The following NRCAM variants were observed in gnomAD, a reference collection of about 807,000 sequenced individuals.
NRCAM encodes the protein neuronal cell adhesion molecule.
Under a neutral mutation model 156.5 loss-of-function variants are expected in NRCAM, and 83 were observed. The ratio of observed to expected loss-of-function variants is 0.53; its 90% confidence interval spans 0.44 to 0.64. NRCAM has a LOEUF of 0.64. Among genes scored for constraint, NRCAM ranks in the 30% least tolerant of loss-of-function variants. The pLI, the probability that NRCAM is intolerant of heterozygous loss-of-function variation, is 0.00. For synonymous variants in NRCAM, 538 were observed against 563.9 expected (o/e 0.95, Z 0.65); for missense variants, 1,417 against 1,597.3 (o/e 0.89, Z 1.92).
intron 32 of NRCAM, among the ~76,000 whole-genome samples, chr7:108,154,434 G>T (rs919822427): frequency 4.6e-5 from 7 of 152,114 alleles, no homozygotes; most frequent in Admixed American, 1.3e-4. Context: ...TTTGCTTGTT[G>T]ATTCATGTGG....
At chr7:108,437,624 C>T (rs557500046) in intron 1 of NRCAM, among the ~76,000 whole-genome samples, 2 of 151,834 alleles carry the variant, frequency 1.3e-5, no homozygotes, top group South Asian at 2.1e-4. Flanking sequence ...GCCTGAAGGC[C>T]GTAGAATAAA....
intron 3 of NRCAM, among the ~76,000 whole-genome samples, chr7:108,309,135 T>C (rs975172501): frequency 2.0e-5 from 3 of 152,184 alleles, no homozygotes; most frequent in African/African-American, 7.2e-5. Context: ...AGTCATTCTG[T>C]GAAAAAGTTC....
intron 11 of NRCAM, among the ~76,000 whole-genome samples, chr7:108,220,067 A>G (rs2091594925): frequency 6.6e-6 from 1 of 151,942 alleles, no homozygotes; most frequent in Non-Finnish European, 1.5e-5. Context: ...GCAACCAAGT[A>G]GAGAGTCAAA....
At chr7:108,175,615 A>G (rs391210) in intron 27 of NRCAM, among the ~76,000 whole-genome samples, 117,216 of 151,978 alleles carry the variant, frequency 0.77, 46,028 homozygotes, top group East Asian at 0.88. Context: ...TGCATTATTC[A>G]TACTTGTTGA....
intron 3 of NRCAM, among the ~76,000 whole-genome samples, chr7:108,312,358 T>C (rs1377204244): frequency 1.3e-5 from 2 of 152,210 alleles, no homozygotes; most frequent in East Asian, 3.8e-4. Flanking sequence ...TAAACATTTT[T>C]ACTAGCAGTG....
At chr7:108,391,484 G>C (rs2099759681) in intron 2 of NRCAM, among the ~76,000 whole-genome samples, 2 of 151,862 alleles carry the variant, frequency 1.3e-5, no homozygotes, top group Admixed American at 6.6e-5. Context: ...ATGTGAGATG[G>C]GTTTCCTGAA....
intron 1 of NRCAM, among the ~76,000 whole-genome samples, chr7:108,446,831 G>A (rs986192278): frequency 6.6e-6 from 1 of 151,602 alleles, no homozygotes; most frequent in Admixed American, 6.6e-5. Flanking sequence ...GGGTTGAGGT[G>A]ATTCTCCTGC....
At chr7:108,270,680 T>C (rs1429104444) in intron 3 of NRCAM, among the ~76,000 whole-genome samples, 3 of 152,220 alleles carry the variant, frequency 2.0e-5, no homozygotes, top group Non-Finnish European at 4.4e-5. Context: ...CTGTGGTATA[T>C]GGTTTCCACA....
chr7:108,267,001 G>A (rs1590879104), intron 3 of NRCAM, among the ~76,000 whole-genome samples: 6 of 152,192 alleles, frequency 3.9e-5, no homozygotes, highest in Admixed American at 2.0e-4. Context: ...AATAGCAGTA[G>A]CCAGAGTATC....
intron 3 of NRCAM, among the ~76,000 whole-genome samples, chr7:108,257,162 G>C (rs1339482286): frequency 6.6e-6 from 1 of 152,128 alleles, no homozygotes; most frequent in South Asian, 2.1e-4. Context: ...TATAGAATCA[G>C]AGAACAGATT....
chr7:108,290,187 G>T (rs147987531), intron 3 of NRCAM, among the ~76,000 whole-genome samples: 1 of 152,138 alleles, frequency 6.6e-6, no homozygotes, highest in African/African-American at 2.4e-5. Flanking sequence ...GTCATGAGAC[G>T]TGCATCCTTT....
At chr7:108,223,469 C>T (rs1332278241) in intron 11 of NRCAM, among the ~76,000 whole-genome samples, 1 of 151,996 alleles carries the variant, frequency 6.6e-6, no homozygotes, top group Non-Finnish European at 1.5e-5. Context: ...AATATTTTAA[C>T]AATGAGACCT....
intron 2 of NRCAM, among the ~76,000 whole-genome samples, chr7:108,339,431 C>T (rs2099249105): frequency 6.6e-6 from 1 of 152,184 alleles, no homozygotes; most frequent in South Asian, 2.1e-4. Flanking sequence ...TACCTACACC[C>T]TCTGTGAAAC....
intron 2 of NRCAM, among the ~76,000 whole-genome samples, chr7:108,381,507 G>A (rs556725737): frequency 2.6e-5 from 4 of 151,006 alleles, no homozygotes; most frequent in Admixed American, 6.6e-5. Context: ...TTAAGGGCTA[G>A]TAAAGAGTTG....
intron 11 of NRCAM, among the ~76,000 whole-genome samples, chr7:108,216,028 T>C (rs930460811): frequency 6.6e-6 from 1 of 152,252 alleles, no homozygotes; most frequent in African/African-American, 2.4e-5. Context: ...CAATTCGTTA[T>C]GTTTTTGCAG....
intron 2 of NRCAM, among the ~76,000 whole-genome samples, chr7:108,382,917 T>C (rs1397848461): frequency 1.3e-5 from 2 of 152,208 alleles, no homozygotes; most frequent in Non-Finnish European, 2.9e-5. Context: ...GCTCCCCTTC[T>C]TTCATTTACT....
At chr7:108,371,235 A>C (rs781554997) in intron 2 of NRCAM, among the ~76,000 whole-genome samples, 1 of 152,192 alleles carries the variant, frequency 6.6e-6, no homozygotes, top group African/African-American at 2.4e-5. Context: ...AAAACACGTT[A>C]GTGTAACAGA....
intron 3 of NRCAM, among the ~76,000 whole-genome samples, chr7:108,259,853 G>GGA (rs199735370): frequency 2.0e-5 from 3 of 152,126 alleles, no homozygotes; most frequent in African/African-American, 7.2e-5. Context: ...GCGGGTGGAG[G>GGA]GAGAGAGAGC....
At chr7:108,281,379 T>C (rs2097853174) in intron 3 of NRCAM, among the ~76,000 whole-genome samples, 1 of 152,092 alleles carries the variant, frequency 6.6e-6, no homozygotes, top group South Asian at 2.1e-4. Flanking sequence ...GTTCCGTGTA[T>C]AGTAGGGGAG....
Sources: allele counts gnomAD v4.1 joint callset (sites outside exome capture counted in the v4.1 genomes callset), GRCh38; gene constraint gnomAD v4.1.1; transcripts MANE v1.5; gene names NCBI Gene and HGNC (gene_info 2026-07-23, HGNC 2026-07-21).